TMOD2: variants seen among roughly 807,000 people sequenced by gnomAD.
TMOD2 encodes tropomodulin 2.
In TMOD2, 22 loss-of-function variants were observed where a neutral mutation model predicts 39.9. The observed-to-expected ratio is 0.55, with a 90% CI of 0.39 to 0.79. The LOEUF (loss-of-function observed/expected upper bound fraction) is 0.79. TMOD2 is among the 30% of genes least tolerant of loss of function. The pLI, the probability that TMOD2 is intolerant of heterozygous loss-of-function variation, is 0.00. For missense variants in TMOD2, 386 were observed against 413.3 expected, an observed-to-expected ratio of 0.93 and a Z score of 0.57; for synonymous variants, 123 against 146.1, an observed-to-expected ratio of 0.84 and a Z score of 1.14.
At chr15:51,772,788 C>T (rs1266736344) in intron 3 of TMOD2, among the ~76,000 whole-genome samples, 4 of 152,132 alleles carry the variant, frequency 2.6e-5, no homozygotes, top group Admixed American at 2.0e-4. Context: ...TGCTAGTTGT[C>T]TGCATTCCCA....
intron 7 of TMOD2, among the ~76,000 whole-genome samples, chr15:51,788,927 C>T (rs534463211): frequency 1.8e-4 from 27 of 152,274 alleles, no homozygotes; most frequent in African/African-American, 4.1e-4. Context: ...AGACCGTCAA[C>T]GCTATGAAGA....
intron 7 of TMOD2, among the ~76,000 whole-genome samples, chr15:51,792,751 A>G (rs1296008167): frequency 6.6e-6 from 1 of 152,236 alleles, no homozygotes; most frequent in Non-Finnish European, 1.5e-5. Context: ...ATTCTCAGCA[A>G]ACCATCACAA....
chr15:51,782,360 G>A (rs896929205), intron 6 of TMOD2, among the ~76,000 whole-genome samples: 1 of 152,194 alleles, frequency 6.6e-6, no homozygotes, highest in Non-Finnish European at 1.5e-5. Context: ...ATATATAAAG[G>A]TCTGAAAAAG....
At chr15:51,781,989 A>G (rs1306867694) in intron 6 of TMOD2, among the ~76,000 whole-genome samples, 2 of 152,248 alleles carry the variant, frequency 1.3e-5, no homozygotes, top group East Asian at 3.9e-4. Context: ...TATTAGTTGG[A>G]CTTAAAGAGT....
At chr15:51,764,123 C>CA (rs975821141) in intron 1 of TMOD2, among the ~76,000 whole-genome samples, 5 of 150,084 alleles carry the variant, frequency 3.3e-5, no homozygotes, top group South Asian at 2.1e-4. Context: ...CTCATCTCTA[C>CA]AAAAAAAAAT....
chr15:51,792,995 C>G (rs775964238), intron 7 of TMOD2, among the ~76,000 whole-genome samples: 2 of 151,840 alleles, frequency 1.3e-5, no homozygotes, highest in Non-Finnish European at 2.9e-5. Flanking sequence ...ACATGTAACC[C>G]AGAACTTAAA....
intron 1 of TMOD2, among the ~76,000 whole-genome samples, chr15:51,753,302 T>C (rs1216233600): frequency 6.6e-6 from 1 of 152,178 alleles, no homozygotes; most frequent in East Asian, 1.9e-4. Context: ...CAGTTTACTC[T>C]GGGAAAATTT....
intron 1 of TMOD2, among the ~76,000 whole-genome samples, chr15:51,762,006 G>A (rs1219509314): frequency 6.6e-6 from 1 of 151,878 alleles, no homozygotes; most frequent in Non-Finnish European, 1.5e-5. Context: ...AAAATTATCC[G>A]GGCGTGGTGG....
chr15:51,765,002 GATAAAT>G (rs898907203), intron 1 of TMOD2, among the ~76,000 whole-genome samples: 4 of 151,360 alleles, frequency 2.6e-5, no homozygotes, highest in African/African-American at 9.7e-5. Flanking sequence ...GGGGCATTTT[GATAAAT>G]ATAATTTTTT....
intron 1 of TMOD2, among the ~76,000 whole-genome samples, chr15:51,761,291 C>T (rs570360034): frequency 3.3e-5 from 5 of 152,052 alleles, no homozygotes; most frequent in East Asian, 1.9e-4. Flanking sequence ...AGGTGCTGAC[C>T]GGCTGGACTC....
Position 51,806,457 on chromosome 15 carries a change from C to G in TMOD2, c.957C>G (p.Tyr319Ter). 6.2e-7 allele frequency: 1 copy of G among 1,614,216 alleles called. No homozygotes were observed. The highest frequency in any genetic ancestry group is 8.5e-7 in the Non-Finnish European group (1 of 1,180,028). ...EENSRILKFG[Y>*]QFTKQGPRTR... ...ATTCAAGGATCCTCAAGTTTGGATA[C>G]CAGTTTACCAAGCAAGGGCCACGAA... The change falls in exon 9 of 10, where the codon TAC becomes TAG. Residue 319 changes from tyrosine (Y) to a stop codon, truncating the protein, a stop_gained. Coordinates refer to ENST00000249700, the MANE Select transcript of TMOD2 (RefSeq NM_014548.4). LOFTEE classifies it high-confidence loss of function.
chr15:51,806,242 C>T (rs1470082818), intron 8 of TMOD2, 135 bp from the exon 9 acceptor site: 4 of 923,772 alleles, frequency 4.3e-6, no homozygotes, highest in Admixed American at 2.8e-5. Context: ...TCTCAAGTGA[C>T]GCTGTCCCTT....
rs2056165086 is a variant in TMOD2 at position 51,812,845 on chromosome 15, A to G, written c.*4391A>G. 1 of 152,188 alleles carries G rather than the reference A, an allele frequency of 6.6e-6. No individual in the cohort carries two copies. The highest frequency in any genetic ancestry group is 2.4e-5 in the African/African-American group (1 of 41,424). The allele number at this position is 152,188 out of a possible 1,614,324, so 9.4% of individuals were successfully genotyped here. A position where few individuals can be genotyped will look rare whatever the true frequency, so the allele number is the denominator to read the frequency against. ...GCAGAGAACTAAGAGGAAAGGTCCT[A>G]GCTCTGCCTTCCACTTGCAGCTTCC... On this transcript the variant is annotated 3_prime_UTR_variant, in exon 10 of 10. Coordinates refer to ENST00000249700, the MANE Select transcript of TMOD2 (RefSeq NM_014548.4).
In TMOD2 at chr15:51,764,556, C is replaced by T. The variant is rs73407339; in HGVS notation, c.-69-1817C>T. ...AAAGATTGGCGTGCTCAGATCACTC[C>T]CCTACTTTAAGAAGCTGTGGTGGCT... is the stretch of plus-strand genomic sequence containing the variant. On this transcript the variant is annotated intron_variant, in intron 1 of 9. Transcript: ENST00000249700. 9.3e-3 allele frequency among the ~76,000 whole-genome samples: 1,410 copies of T among 152,192 alleles called. 15 individuals carry two copies. Among genetic ancestry groups the T allele is most frequent in the African/African-American group, 0.019 (772 of 41,506 alleles).
At position 51,810,439 on chromosome 15, in the gene TMOD2, C is replaced by T. The variant is rs1415774979; in HGVS notation, c.*1985C>T. ...CAAACAGTATGCTACTGAACGTATCCTCTCAACTCCATGTTCACTACCTTC... is the reference window on the plus strand; with the variant it reads ...CAAACAGTATGCTACTGAACGTATCTTCTCAACTCCATGTTCACTACCTTC... On this transcript the variant is annotated 3_prime_UTR_variant, in exon 10 of 10. Coordinates refer to ENST00000249700, the MANE Select transcript of TMOD2 (RefSeq NM_014548.4). 1 of 152,068 alleles carries T rather than the reference C, an allele frequency of 6.6e-6. No homozygotes were observed. Among genetic ancestry groups the T allele is most frequent in the Admixed American group, 6.6e-5 (1 of 15,244 alleles). 9.4% of individuals were successfully genotyped at this position (152,068 alleles called of 1,614,324 possible).
chr15:51,777,004 A>G lies in TMOD2; in HGVS notation c.479A>G (p.Lys160Arg). The change falls in exon 5 of 10, where the codon AAA (lysine) becomes AGA (arginine). Residue 160 changes from lysine (K) to arginine (R), a missense_variant. Physicochemically the swap from Lys to Arg is conservative, Grantham distance 26. Coordinates refer to ENST00000249700, the MANE Select transcript of TMOD2 (RefSeq NM_014548.4). Reference sequence around the variant, plus strand: ...GAAACAGCCAACAATAAAGGTGGCAAAGGACCTGTCAGAAGTAAGTTGATG... The same window carrying G: ...GAAACAGCCAACAATAAAGGTGGCAGAGGACCTGTCAGAAGTAAGTTGATG... ...DEETANNKGG[K>R]GPVRNVVKGE... The G allele has an allele frequency of 6.2e-7, 1 of 1,613,792 alleles. No individual in the cohort carries two copies. Among genetic ancestry groups the G allele is most frequent in the Non-Finnish European group, 8.5e-7 (1 of 1,179,748 alleles).
At chr15:51,780,795 C>A (rs913633343) in intron 5 of TMOD2, among the ~76,000 whole-genome samples, 4 of 152,190 alleles carry the variant, frequency 2.6e-5, no homozygotes, top group Non-Finnish European at 4.4e-5. Flanking sequence ...TGCAGGGTCT[C>A]CTGAACTTTG....
chr15:51,790,049 C>T (rs183016275), intron 7 of TMOD2, among the ~76,000 whole-genome samples: 1 of 152,082 alleles, frequency 6.6e-6, no homozygotes, highest in Admixed American at 6.5e-5. Flanking sequence ...AAAAACTCTT[C>T]AAAAAATCAA....
intron 7 of TMOD2, chr15:51,784,246 T>C (rs995260411): frequency 1.3e-5 from 2 of 152,258 alleles, no homozygotes; most frequent in East Asian, 3.8e-4. Context: ...TGCTAAAATA[T>C]GTCACTTATC....
Sources: allele counts gnomAD v4.1 joint callset (sites outside exome capture counted in the v4.1 genomes callset), GRCh38; gene constraint gnomAD v4.1.1; transcripts MANE v1.5; gene names NCBI Gene and HGNC (gene_info 2026-07-23, HGNC 2026-07-21).